The following KLHDC4 variants were observed in gnomAD, a reference collection of about 807,000 sequenced individuals.
The protein encoded by KLHDC4 is kelch domain containing 4.
A neutral mutation model predicts 62.4 loss-of-function variants in KLHDC4; 90 were observed. That is an observed-to-expected ratio of 1.44 (90% CI 1.22 to 1.72). The LOEUF (loss-of-function observed/expected upper bound fraction) is 1.72, where lower values mean the gene tolerates loss of function less well. Ranked by LOEUF, KLHDC4 falls within the 40% of genes most tolerant of loss-of-function variation. KLHDC4 has a pLI of 0.00. For synonymous variants in KLHDC4, 386 were observed against 284.4 expected (o/e 1.36, Z -3.59); for missense variants, 1,025 against 699.7 (o/e 1.47, Z -5.25).
In KLHDC4 at chr16:87,756,282, C is replaced by T. The variant is rs1340491700; in HGVS notation, c.270+117G>A. Reference sequence around the variant, plus strand: ...CTCACATCAGGCCTGACGGCTCAAGCGCGTGATACAAGGGGTGAAGGGGCT... The same window carrying T: ...CTCACATCAGGCCTGACGGCTCAAGTGCGTGATACAAGGGGTGAAGGGGCT... On this transcript the variant is annotated intron_variant, in intron 3 of 11. Transcript: ENST00000270583. The T allele has an allele frequency of 3.0e-5, 22 of 741,010 alleles. No individual in the cohort carries two copies. In the East Asian group the frequency reaches 4.8e-4, roughly 16 times the overall value. The allele number at this position is 741,010 out of a possible 1,614,324, so 45.9% of individuals were successfully genotyped here.
chr16:87,745,768 C>G (rs540222238), intron 5 of KLHDC4, among the ~76,000 whole-genome samples: 1 of 152,246 alleles, frequency 6.6e-6, no homozygotes, highest in Non-Finnish European at 1.5e-5. Flanking sequence ...CTCAGCACCC[C>G]GAGCTGACTA....
At chr16:87,732,104 T>TTC (rs1423714683) in intron 5 of KLHDC4, among the ~76,000 whole-genome samples, 1 of 150,646 alleles carries the variant, frequency 6.6e-6, no homozygotes, top group Non-Finnish European at 1.5e-5. Flanking sequence ...TTTCTTTTTT[T>TTC]TTTTTTTTTT....
intron 5 of KLHDC4, among the ~76,000 whole-genome samples, chr16:87,735,513 C>G (rs1397546133): frequency 6.6e-6 from 1 of 152,208 alleles, no homozygotes; most frequent in Non-Finnish European, 1.5e-5. Flanking sequence ...TGCATGGGAA[C>G]CCCACCAGAG....
intron 4 of KLHDC4, among the ~76,000 whole-genome samples, chr16:87,751,241 C>T (rs1268669296): frequency 2.6e-5 from 4 of 152,064 alleles, no homozygotes; most frequent in African/African-American, 4.8e-5. Flanking sequence ...TTTGGGAGGC[C>T]GAGGGAGGTA....
chr16:87,761,845 G>A lies in KLHDC4; in HGVS notation c.191+104C>T, dbSNP rs754273602. On this transcript the variant is annotated intron_variant, in intron 2 of 11. Transcript: ENST00000270583. ...AAGAACAGGTTTTAATAATGAAAATGTCCCAAGTGCCTGGTCATTTACGAA... is the reference window on the plus strand; with the variant it reads ...AAGAACAGGTTTTAATAATGAAAATATCCCAAGTGCCTGGTCATTTACGAA... The A allele has an allele frequency of 3.8e-6, 4 of 1,065,808 alleles. No individual in the cohort carries two copies. In the South Asian group the frequency reaches 5.3e-5, roughly 14 times the overall value. The allele number at this position is 1,065,808 out of a possible 1,614,324, so 66.0% of individuals were successfully genotyped here.
At chr16:87,713,712 G>A (rs372501246) in intron 8 of KLHDC4, among the ~76,000 whole-genome samples, 1 of 152,058 alleles carries the variant, frequency 6.6e-6, no homozygotes, top group Non-Finnish European at 1.5e-5. Context: ...ATGTGTAGAA[G>A]GTGGTGAGAG....
At chr16:87,715,424 G>A (rs1259549749) in intron 7 of KLHDC4, among the ~76,000 whole-genome samples, 3 of 152,118 alleles carry the variant, frequency 2.0e-5, no homozygotes, top group Admixed American at 1.3e-4. Flanking sequence ...CCGTTACCGG[G>A]AGCGTGGCCC....
At chr16:87,721,551 T>G (rs1246115530) in intron 7 of KLHDC4, among the ~76,000 whole-genome samples, 1 of 151,228 alleles carries the variant, frequency 6.6e-6, no homozygotes, top group Non-Finnish European at 1.5e-5. Context: ...CTGCAGCCGG[T>G]GACCTGGGAG....
chr16:87,728,673 A>G (rs951532495), intron 6 of KLHDC4, among the ~76,000 whole-genome samples: 2 of 152,170 alleles, frequency 1.3e-5, no homozygotes, highest in Non-Finnish European at 2.9e-5. Flanking sequence ...TATTTGTTTT[A>G]AAATAAATTT....
chr16:87,713,611 T>A (rs1597404675), intron 8 of KLHDC4, among the ~76,000 whole-genome samples: 1 of 151,194 alleles, frequency 6.6e-6, no homozygotes, highest in Admixed American at 6.6e-5. Context: ...GCTTCAGAGG[T>A]CTGTGAGAAC....
chr16:87,712,432 G>C (rs1272146875), intron 8 of KLHDC4, among the ~76,000 whole-genome samples: 5 of 152,218 alleles, frequency 3.3e-5, no homozygotes, highest in Non-Finnish European at 5.9e-5. Flanking sequence ...ACAAGAACTC[G>C]CCACACAGGG....
intron 5 of KLHDC4, among the ~76,000 whole-genome samples, chr16:87,745,015 C>CT (rs2042833639): frequency 6.6e-6 from 1 of 152,206 alleles, no homozygotes; most frequent in South Asian, 2.1e-4. Flanking sequence ...CACATGCAGG[C>CT]TTTTTTCCAA....
At position 87,741,270 on chromosome 16, in the gene KLHDC4, C is replaced by T. The variant is rs140067111; in HGVS notation, c.506+7403G>A. On this transcript the variant is annotated intron_variant, in intron 5 of 11. Transcript: ENST00000270583. ...CACATAGCAGAAGGCAGCCAGCCAG[C>T]GCTGGCCTGGACAGAGGCCCAGGCG... 4.1e-3 allele frequency among the ~76,000 whole-genome samples: 620 copies of T among 152,326 alleles called. 4 individuals carry two copies. Among genetic ancestry groups the T allele is most frequent in the African/African-American group, 0.014 (579 of 41,576 alleles).
intron 5 of KLHDC4, among the ~76,000 whole-genome samples, chr16:87,733,073 T>C (rs12597790): frequency 0.088 from 6,909 of 78,856 alleles, 360 homozygotes; most frequent in African/African-American, 0.13. Flanking sequence ...ATCCCAGCTT[T>C]TATCGGTGAA....
At chr16:87,751,510 G>A (rs901111988) in intron 4 of KLHDC4, among the ~76,000 whole-genome samples, 5 of 151,822 alleles carry the variant, frequency 3.3e-5, no homozygotes, top group African/African-American at 1.2e-4. Flanking sequence ...TTTATGTGCA[G>A]AGAAAACATG....
chr16:87,717,188 G>A (rs1247870665), intron 7 of KLHDC4, among the ~76,000 whole-genome samples: 1 of 152,192 alleles, frequency 6.6e-6, no homozygotes, highest in African/African-American at 2.4e-5. Context: ...CCAAGATCAT[G>A]CCACTGCACT....
chr16:87,752,028 T>C (rs2044054978), intron 4 of KLHDC4, among the ~76,000 whole-genome samples: 1 of 132,458 alleles, frequency 7.5e-6, no homozygotes, highest in South Asian at 2.4e-4. Context: ...AGGCGGAGGT[T>C]GCAGTGAGCC....
intron 7 of KLHDC4, among the ~76,000 whole-genome samples, chr16:87,720,635 A>AC (rs2038100568): frequency 6.6e-6 from 1 of 151,930 alleles, no homozygotes; most frequent in Non-Finnish European, 1.5e-5. Flanking sequence ...TGACGAGAGG[A>AC]CCCCCGCCCA....
intron 5 of KLHDC4, among the ~76,000 whole-genome samples, chr16:87,740,277 T>C (rs1031430950): frequency 1.3e-5 from 2 of 151,808 alleles, no homozygotes; most frequent in African/African-American, 4.8e-5. Flanking sequence ...GCTCCAGTGA[T>C]CCCACCCGAC....
Sources: gnomAD v4.1 joint callset for allele counts (sites outside exome capture counted in the v4.1 genomes callset) on GRCh38, gnomAD v4.1.1 for gene constraint, MANE v1.5 for transcripts, NCBI Gene and HGNC (gene_info 2026-07-23, HGNC 2026-07-21) for gene names.